Variants in TMEM178B observed in about 807,000 individuals in gnomAD.
TMEM178B encodes the protein transmembrane protein 178B.
TMEM178B carries 5 observed loss-of-function variants against 31.0 expected under a neutral mutation model. The ratio of observed to expected loss-of-function variants is 0.16; its 90% CI spans 0.08 to 0.34. The LOEUF is 0.34. Among genes scored for constraint, TMEM178B ranks in the 10% least tolerant of loss-of-function variants. The probability of loss-of-function intolerance (pLI) is 1.00; values close to 1 mark genes in which losing one functional copy is unlikely to be tolerated. For synonymous variants in TMEM178B, 164 were observed against 164.0 expected, an observed-to-expected ratio of 1.00 and a Z score of 0.00; for missense variants, 275 against 400.3, an observed-to-expected ratio of 0.69 and a Z score of 2.67.
At chr7:141,448,352 G>A (rs976774264) in intron 3 of TMEM178B, among the ~76,000 whole-genome samples, 5 of 152,138 alleles carry the variant, frequency 3.3e-5, no homozygotes, top group East Asian at 1.9e-4. Flanking sequence ...TTAACGTTGG[G>A]TATGAATAAT....
At chr7:141,247,180 T>G (rs1350837973) in intron 2 of TMEM178B, among the ~76,000 whole-genome samples, 1 of 141,624 alleles carries the variant, frequency 7.1e-6, no homozygotes. Context: ...TACATAGATA[T>G]CTCTCTATAT....
intron 2 of TMEM178B, among the ~76,000 whole-genome samples, chr7:141,229,782 G>A (rs1429302881): frequency 6.6e-6 from 1 of 151,870 alleles, no homozygotes; most frequent in Non-Finnish European, 1.5e-5. Flanking sequence ...AAAAAATAGT[G>A]GAGAGGATTG....
intron 1 of TMEM178B, among the ~76,000 whole-genome samples, chr7:141,130,657 T>C (rs1322281163): frequency 6.6e-6 from 1 of 152,268 alleles, no homozygotes; most frequent in African/African-American, 2.4e-5. Context: ...TAATTGCACA[T>C]ATATTCTCAA....
At chr7:141,119,893 C>G (rs760318001) in intron 1 of TMEM178B, among the ~76,000 whole-genome samples, 1 of 152,190 alleles carries the variant, frequency 6.6e-6, no homozygotes, top group African/African-American at 2.4e-5. Context: ...GGGCAGAGCT[C>G]TGCCATCACC....
intron 1 of TMEM178B, among the ~76,000 whole-genome samples, chr7:141,163,759 C>T (rs1185930557): frequency 6.6e-6 from 1 of 152,120 alleles, no homozygotes; most frequent in Non-Finnish European, 1.5e-5. Flanking sequence ...AGTGGTGTGC[C>T]TGCCTCAACC....
At chr7:141,233,521 G>A (rs1207730548) in intron 2 of TMEM178B, among the ~76,000 whole-genome samples, 3 of 152,118 alleles carry the variant, frequency 2.0e-5, no homozygotes, top group Non-Finnish European at 4.4e-5. Flanking sequence ...TCCTTCTCAG[G>A]GTTCCTATGC....
intron 2 of TMEM178B, among the ~76,000 whole-genome samples, chr7:141,324,266 T>C (rs1465636295): frequency 6.6e-6 from 1 of 152,012 alleles, no homozygotes; most frequent in African/African-American, 2.4e-5. Context: ...AGGAGGCTAC[T>C]GGAATATTCC....
intron 2 of TMEM178B, among the ~76,000 whole-genome samples, chr7:141,287,454 C>T (rs1190063628): frequency 6.6e-6 from 1 of 152,104 alleles, no homozygotes; most frequent in African/African-American, 2.4e-5. Flanking sequence ...TGATATAGGT[C>T]ATAAAAACTA....
chr7:141,427,137 C>A (rs1801333376), intron 2 of TMEM178B, among the ~76,000 whole-genome samples: 2 of 152,086 alleles, frequency 1.3e-5, no homozygotes, highest in Non-Finnish European at 2.9e-5. Context: ...TCATACCTAC[C>A]CAAAGCAATC....
chr7:141,352,246 C>G (rs969773041), intron 2 of TMEM178B: 1 of 152,284 alleles, frequency 6.6e-6, no homozygotes, highest in African/African-American at 2.4e-5. Context: ...CAAAATCAGT[C>G]AAGAAATTGT....
At chr7:141,122,047 C>T (rs1795416392) in intron 1 of TMEM178B, among the ~76,000 whole-genome samples, 1 of 152,192 alleles carries the variant, frequency 6.6e-6, no homozygotes, top group South Asian at 2.1e-4. Context: ...AGGAGAAAAA[C>T]AAGTGTTATT....
chr7:141,382,540 G>T (rs1385596437), intron 2 of TMEM178B, among the ~76,000 whole-genome samples: 1 of 152,160 alleles, frequency 6.6e-6, no homozygotes, highest in African/African-American at 2.4e-5. Flanking sequence ...AAGTGAACTT[G>T]TCATTTCATG....
intron 2 of TMEM178B, among the ~76,000 whole-genome samples, chr7:141,249,452 T>TA: frequency 6.6e-6 from 1 of 152,294 alleles, no homozygotes; most frequent in East Asian, 1.9e-4. Context: ...ACTTATACAG[T>TA]AAATTGGTAC....
intron 3 of TMEM178B, among the ~76,000 whole-genome samples, chr7:141,470,234 C>T (rs1328828154): frequency 2.0e-5 from 3 of 152,148 alleles, no homozygotes; most frequent in Non-Finnish European, 4.4e-5. Context: ...CACTCTACCC[C>T]ACACAAAATG....
At chr7:141,319,329 C>G (rs573623074) in intron 2 of TMEM178B, among the ~76,000 whole-genome samples, 29 of 152,358 alleles carry the variant, frequency 1.9e-4, no homozygotes, top group African/African-American at 7.0e-4. Flanking sequence ...CTCCTGCCTT[C>G]AACAGGCTTA....
intron 2 of TMEM178B, among the ~76,000 whole-genome samples, chr7:141,254,880 G>A (rs1394306290): frequency 6.6e-6 from 1 of 152,152 alleles, no homozygotes; most frequent in Admixed American, 6.5e-5. Context: ...ATAAAAATCT[G>A]TACTTTCAGA....
Position 141,480,293 on chromosome 7 carries a change from G to C in TMEM178B, c.*9507G>C, listed in dbSNP as rs1000036374. 1 of 152,136 alleles carries C rather than the reference G, an allele frequency of 6.6e-6. No homozygotes were observed. Among genetic ancestry groups the C allele is most frequent in the Non-Finnish European group, 1.5e-5 (1 of 68,026 alleles). The allele number at this position is 152,136 out of a possible 1,614,324, so 9.4% of individuals were successfully genotyped here. ...TGTCTGGTAATTAATTAAATGACTT[G>C]TTCATGGAAAAAATAAATAATCTGT... On this transcript the variant is annotated 3_prime_UTR_variant, in exon 4 of 4. Transcript: ENST00000565468.
intron 2 of TMEM178B, among the ~76,000 whole-genome samples, chr7:141,390,146 T>C (rs1402005102): frequency 3.9e-5 from 6 of 152,206 alleles, no homozygotes; most frequent in Admixed American, 3.9e-4. Flanking sequence ...AGGGAATTAT[T>C]TAGGCTGAAA....
chr7:141,437,820 A>G (rs1286319309), intron 3 of TMEM178B, 75 bp downstream of exon 3: 2 of 1,520,556 alleles, frequency 1.3e-6, no homozygotes, highest in African/African-American at 1.4e-5. Context: ...GAATGGCCAG[A>G]GGGCACAGCA....
Sources: gnomAD v4.1 joint callset for allele counts (sites outside exome capture counted in the v4.1 genomes callset) on GRCh38, gnomAD v4.1.1 for gene constraint, MANE v1.5 for transcripts, NCBI Gene and HGNC (gene_info 2026-07-23, HGNC 2026-07-21) for gene names.